The following CCDC60 variants were observed in gnomAD, a reference collection of about 807,000 sequenced individuals.
CCDC60 encodes the protein coiled-coil domain containing 60, also known as coiled-coil domain-containing protein 60.
Under a neutral mutation model 63.5 loss-of-function variants are expected in CCDC60, and 54 were observed. The observed-to-expected ratio is 0.85, with a 90% CI of 0.68 to 1.07. The LOEUF (loss-of-function observed/expected upper bound fraction) is 1.07. Ranked by LOEUF, CCDC60 falls within the 50% of genes least tolerant of loss-of-function variation. The probability of loss-of-function intolerance (pLI) is 0.00; values close to 1 mark genes in which losing one functional copy is unlikely to be tolerated. For missense variants in CCDC60, 651 were observed against 684.3 expected, an observed-to-expected ratio of 0.95 and a Z score of 0.54; for synonymous variants, 206 against 238.8, an observed-to-expected ratio of 0.86 and a Z score of 1.27.
chr12:119,410,827 C>T lies in CCDC60; in HGVS notation c.91-17856C>T, dbSNP rs1003865548. On this transcript the variant is annotated intron_variant, in intron 1 of 13. Coordinates refer to ENST00000327554, the MANE Select transcript of CCDC60 (RefSeq NM_178499.5). This position sits in a 1 kb window ranked among gnomAD's most constrained non-coding sequence, Gnocchi z 4.0. ...GCGCGATCTCAGCTCACTGCAGCCT[C>T]TGCCTCCCCAGCTCAAGCAATTCTC... Among the ~76,000 whole-genome samples, 3 of 152,216 alleles carry T rather than the reference C, an allele frequency of 2.0e-5. No individual in the cohort carries two copies. The highest frequency in any genetic ancestry group is 7.2e-5 in the African/African-American group (3 of 41,444).
intron 2 of CCDC60, among the ~76,000 whole-genome samples, chr12:119,457,899 T>G (rs1393505812): frequency 6.6e-6 from 1 of 152,256 alleles, no homozygotes; most frequent in East Asian, 1.9e-4. Context: ...GCTAGATTTA[T>G]TAAGTTATTG....
At chr12:119,433,305 T>C (rs1950265713) in intron 2 of CCDC60, 1 of 663,414 alleles carries the variant, frequency 1.5e-6, no homozygotes, top group East Asian at 2.7e-5. Flanking sequence ...CACTCTTCAG[T>C]TGGTCAGCTG....
chr12:119,434,463 A>G (rs1700592570), intron 2 of CCDC60, among the ~76,000 whole-genome samples: 1 of 152,184 alleles, frequency 6.6e-6, no homozygotes, highest in Non-Finnish European at 1.5e-5. Context: ...ATAAGAGATG[A>G]CGACTTGCAT....
At chr12:119,507,527 C>CAT in intron 7 of CCDC60, among the ~76,000 whole-genome samples, 1 of 120,720 alleles carries the variant, frequency 8.3e-6, no homozygotes, top group African/African-American at 3.3e-5. Flanking sequence ...CATATATATA[C>CAT]ACATATATAT....
At chr12:119,343,217 G>A (rs1406644924) in intron 1 of CCDC60, among the ~76,000 whole-genome samples, 1 of 151,996 alleles carries the variant, frequency 6.6e-6, no homozygotes, top group African/African-American at 2.4e-5. Context: ...TTTCTTGCGG[G>A]GCTCAATTTT....
intron 1 of CCDC60, among the ~76,000 whole-genome samples, chr12:119,416,955 T>A (rs912372600): frequency 6.6e-6 from 1 of 152,010 alleles, no homozygotes; most frequent in Admixed American, 6.6e-5. Flanking sequence ...ACCCCATCTA[T>A]ACAAAAAAAT....
intron 1 of CCDC60, among the ~76,000 whole-genome samples, chr12:119,400,239 C>T (rs11610334): frequency 0.083 from 12,566 of 152,100 alleles, 696 homozygotes; most frequent in Non-Finnish European, 0.12. Flanking sequence ...TTAGTAAAGA[C>T]GGGGTTTCAC....
At chr12:119,376,408 G>C (rs1178283198) in intron 1 of CCDC60, among the ~76,000 whole-genome samples, 2 of 152,082 alleles carry the variant, frequency 1.3e-5, no homozygotes, top group African/African-American at 2.4e-5. Context: ...CGGGCAGATC[G>C]CTTGAGTCCA....
chr12:119,451,012 A>C (rs1250467313), intron 2 of CCDC60, among the ~76,000 whole-genome samples: 1 of 152,142 alleles, frequency 6.6e-6, no homozygotes, highest in Non-Finnish European at 1.5e-5. Context: ...ATTAAGAGGG[A>C]GTGGCCCTTG....
Position 119,394,818 on chromosome 12 carries a change from A to G in CCDC60, c.91-33865A>G, listed in dbSNP as rs533800374. 1.8e-4 allele frequency among the ~76,000 whole-genome samples: 28 copies of G among 152,334 alleles called. 1 individual carries two copies. Among genetic ancestry groups the G allele is most frequent in the African/African-American group, 6.3e-4 (26 of 41,568 alleles). On this transcript the variant is annotated intron_variant, in intron 1 of 13. Coordinates refer to ENST00000327554, the MANE Select transcript of CCDC60 (RefSeq NM_178499.5). Reference sequence around the variant, plus strand: ...AGGTCAGCTCTGATCTCAGGATCAGATCCCTACCTGAATAGGGGCAGATGC... The same window carrying G: ...AGGTCAGCTCTGATCTCAGGATCAGGTCCCTACCTGAATAGGGGCAGATGC...
intron 7 of CCDC60, among the ~76,000 whole-genome samples, chr12:119,506,784 A>G (rs561674756): frequency 5.6e-4 from 85 of 152,318 alleles, no homozygotes; most frequent in Non-Finnish European, 9.4e-4. Flanking sequence ...AGATAGAATC[A>G]TGACTGGATT....
intron 1 of CCDC60, among the ~76,000 whole-genome samples, chr12:119,367,113 G>A (rs550348708): frequency 1.3e-5 from 2 of 152,230 alleles, no homozygotes; most frequent in African/African-American, 2.4e-5. Flanking sequence ...GATTACAGGC[G>A]TGAGCCACCG....
intron 11 of CCDC60, 91 bp downstream of exon 11, chr12:119,523,909 C>T: frequency 1.5e-6 from 2 of 1,366,652 alleles, no homozygotes; most frequent in Non-Finnish European, 2.0e-6. Context: ...GGCTATATCA[C>T]AAACAAGAAG....
intron 1 of CCDC60, among the ~76,000 whole-genome samples, chr12:119,389,247 C>G (rs945022910): frequency 6.6e-6 from 1 of 152,194 alleles, no homozygotes; most frequent in Non-Finnish European, 1.5e-5. Context: ...TCTTCTATAT[C>G]AAGAGTCAAC....
intron 1 of CCDC60, among the ~76,000 whole-genome samples, chr12:119,413,171 T>C (rs1321385105): frequency 6.6e-6 from 1 of 152,186 alleles, no homozygotes; most frequent in Admixed American, 6.5e-5. Context: ...CTTATGAGAT[T>C]AATGCATTTG....
At chr12:119,442,040 T>A (rs1950457186) in intron 2 of CCDC60, among the ~76,000 whole-genome samples, 1 of 152,162 alleles carries the variant, frequency 6.6e-6, no homozygotes, top group Admixed American at 6.5e-5. Flanking sequence ...AAAATATCAA[T>A]TAATATGTAT....
At chr12:119,483,881 C>T (rs1303141210) in intron 4 of CCDC60, among the ~76,000 whole-genome samples, 1 of 151,628 alleles carries the variant, frequency 6.6e-6, no homozygotes, top group Admixed American at 6.6e-5. Context: ...ATGCTATGAC[C>T]TGACACATGA....
At chr12:119,470,091 T>A (rs1951841781) in intron 2 of CCDC60, among the ~76,000 whole-genome samples, 1 of 152,184 alleles carries the variant, frequency 6.6e-6, no homozygotes, top group African/African-American at 2.4e-5. Flanking sequence ...TAAAGATAGT[T>A]ATAGTTCCCT....
At chr12:119,501,125 A>T (rs947766166) in intron 6 of CCDC60, among the ~76,000 whole-genome samples, 1 of 152,228 alleles carries the variant, frequency 6.6e-6, no homozygotes, top group Admixed American at 6.5e-5. Flanking sequence ...TGAAATGGAT[A>T]TAATGCCCTT....
Sources: allele counts gnomAD v4.1 joint callset (sites outside exome capture counted in the v4.1 genomes callset), GRCh38; gene constraint gnomAD v4.1.1; non-coding constraint Gnocchi (gnomAD v3.1); transcripts MANE v1.5; gene names NCBI Gene and HGNC (gene_info 2026-07-23, HGNC 2026-07-21).